The following TAP2 variants were observed in gnomAD, a reference collection of about 807,000 sequenced individuals.
TAP2 encodes transporter 2, ATP binding cassette subfamily B member.
A neutral mutation model predicts 74.7 loss-of-function variants in TAP2; 49 were observed. The ratio of observed to expected loss-of-function variants is 0.66; its 90% confidence interval spans 0.52 to 0.83. TAP2 has a LOEUF of 0.83. TAP2 is among the 40% of genes least tolerant of loss of function. TAP2 has a pLI of 0.00. For missense variants in TAP2, 739 were observed against 859.0 expected (o/e 0.86, Z 1.75); for synonymous variants, 306 against 368.4 (o/e 0.83, Z 1.94).
chr6:32,822,195 A>C (rs1768325071), downstream of TAP2: 3 of 1,071,172 alleles, frequency 2.8e-6, no homozygotes, highest in South Asian at 4.3e-5. Context: ...GGTTTTGTCC[A>C]TCACCTCATC....
In TAP2 at chr6:32,838,181, G is replaced by C; in HGVS notation, c.53C>G (p.Ala18Gly). The change falls in exon 2 of 12, where the codon GCT (alanine) becomes GGT (glycine). Residue 18 changes from alanine (A) to glycine (G), a missense_variant. By Grantham distance (60) the Ala-to-Gly change is moderately conservative. Transcript: ENST00000374897. ...PWTSLLLVDA[A>G]LLWLLQGPLG... is the part of the protein sequence containing the mutation. ...AGGGCCCTGAAGCAGCCACAGTAAAGCCGCGTCCACCAGCAGCAGGGAGGT... is the reference window on the plus strand; with the variant it reads ...AGGGCCCTGAAGCAGCCACAGTAAACCCGCGTCCACCAGCAGCAGGGAGGT... The C allele has an allele frequency of 6.3e-7, 1 of 1,595,426 alleles. No homozygotes were observed. The highest frequency in any genetic ancestry group is 8.5e-7 in the Non-Finnish European group (1 of 1,170,568).
At chr6:32,836,619 C>A (rs1769436561) in intron 3 of TAP2, among the ~76,000 whole-genome samples, 1 of 152,182 alleles carries the variant, frequency 6.6e-6, no homozygotes, top group African/African-American at 2.4e-5. Flanking sequence ...TCCTAGGCTA[C>A]AAATCTGTAC....
At chr6:32,837,472 T>G (rs1007058468) in intron 3 of TAP2, 65 bp downstream of exon 3, 66 of 1,353,386 alleles carry the variant, frequency 4.9e-5, no homozygotes, top group Non-Finnish European at 6.9e-5. Flanking sequence ...GAAATGGAGT[T>G]AGGGAAGTGA....
chr6:32,829,419 T>C lies in TAP2; in HGVS notation c.1913A>G (p.Asp638Gly), dbSNP rs1280759302. The C allele has an allele frequency of 2.5e-6, 4 of 1,606,642 alleles. No homozygotes were observed. The highest frequency in any genetic ancestry group is 3.4e-6 in the Non-Finnish European group (4 of 1,176,362). Residue 638 changes from aspartate (D) to glycine (G), a missense_variant, in exon 11 of 12, where the codon GAT becomes GGT. By Grantham distance (94) the Asp-to-Gly change is moderately conservative. Coordinates refer to ENST00000374897, the MANE Select transcript of TAP2 (RefSeq NM_001290043.2). ...ACTCACGGCCTGCTCGCACTGCACA[T>C]CTAGGGCACTAGTAGCCTCATCCAG... ...LILDEATSALDVQCEQALQDW... is the reference protein window; with the variant it reads ...LILDEATSALGVQCEQALQDW...
intron 5 of TAP2, among the ~76,000 whole-genome samples, chr6:32,834,007 T>A (rs2127361173): frequency 6.6e-6 from 1 of 152,342 alleles, no homozygotes; most frequent in African/African-American, 2.4e-5. Context: ...GTAAGTCCAA[T>A]AAACCTCTTT....
At position 32,832,490 on chromosome 6, in the gene TAP2, T is replaced by C. The variant is rs1769150358; in HGVS notation, c.1144-29A>G. 6.2e-7 allele frequency: 1 copy of C among 1,611,590 alleles called. No individual in the cohort carries two copies. The highest frequency in any genetic ancestry group is 1.7e-5 in the Admixed American group (1 of 59,684). ...GAAGAGGAGAAGAAAGAGATGAGGC[T>C]GGGAATCTTCCCATTCTTTCCCCCT... On this transcript the variant is annotated intron_variant, in intron 6 of 11. Coordinates refer to ENST00000374897, the MANE Select transcript of TAP2 (RefSeq NM_001290043.2). The surrounding 1 kb of genome is among the most constrained non-coding windows in gnomAD (Gnocchi z 5.9).
At chr6:32,823,962 C>A (rs2127342911), downstream of TAP2, among the ~76,000 whole-genome samples, 1 of 150,970 alleles carries the variant, frequency 6.6e-6, no homozygotes, top group African/African-American at 2.5e-5. Context: ...CATATCCTCT[C>A]CCTTCCTCTT....
Position 32,835,731 on chromosome 6 carries a change from G to C in TAP2, c.651C>G (p.Thr217=). 1 of 1,613,152 alleles carries C rather than the reference G, an allele frequency of 6.2e-7. No homozygotes were observed. The highest frequency in any genetic ancestry group is 2.2e-5 in the East Asian group (1 of 44,884). ...AGCRGGCFTY[T]MSRINLRIRE... ...GGATCCGCAAGTTGATTCGAGACAT[G>C]GTGTAGGTGAAGCAGCCTCCTCGGC... The change falls in exon 4 of 12, where the codon ACC becomes ACG. Residue 217 remains threonine, a synonymous_variant. Transcript: ENST00000374897. The surrounding 1 kb of genome is among the most constrained non-coding windows in gnomAD (Gnocchi z 4.0).
At chr6:32,830,166 T>TC in intron 9 of TAP2, 77 bp from the exon 10 acceptor site, 1 of 1,612,016 alleles carries the variant, frequency 6.2e-7, no homozygotes, top group Non-Finnish European at 8.5e-7. Context: ...CCCACCTACC[T>TC]CCCTCAGAAT....
At position 32,828,522 on chromosome 6, in the gene TAP2, T is replaced by C; in HGVS notation, c.*384A>G. On this transcript the variant is annotated 3_prime_UTR_variant, in exon 12 of 12. Coordinates refer to ENST00000374897, the MANE Select transcript of TAP2 (RefSeq NM_001290043.2). ...TGGGTACTTTTACTTTTCTTCTTTG[T>C]ACTTTTTTATATTGTCTAAATTTTC... is the stretch of plus-strand genomic sequence containing the variant. The C allele has an allele frequency of 1.0e-6, 1 of 976,608 alleles. No individual in the cohort carries two copies. Among genetic ancestry groups the C allele is most frequent in the Non-Finnish European group, 1.2e-6 (1 of 821,044 alleles). The allele number at this position is 976,608 out of a possible 1,614,324, so 60.5% of individuals were successfully genotyped here.
In TAP2 at chr6:32,832,908, C is replaced by T. The variant is rs190780423; in HGVS notation, c.946-84G>A. ...TCTTACTCCAGCCAGTGAGATGCTC[C>T]CTAGTCTACCTAAAAATACCAAACT... On this transcript the variant is annotated intron_variant, in intron 5 of 11. Transcript: ENST00000374897. This position sits in a 1 kb window ranked among gnomAD's most constrained non-coding sequence, Gnocchi z 5.9. The T allele has an allele frequency of 9.1e-5, 129 of 1,423,888 alleles. No individual in the cohort carries two copies. The African/African-American group carries it at 1.4e-3, about 16-fold the overall frequency. The allele number at this position is 1,423,888 out of a possible 1,614,324, so 88.2% of individuals were successfully genotyped here. A position where few individuals can be genotyped will look rare whatever the true frequency, so the allele number is the denominator to read the frequency against.
At position 32,835,329 on chromosome 6, in the gene TAP2, G is replaced by A. The variant is rs138586326; in HGVS notation, c.770C>T (p.Thr257Ile). The change falls in exon 5 of 12, where the codon ACC becomes ATC. Residue 257 changes from threonine to isoleucine, a missense_variant. Thr to Ile is a moderately conservative substitution (Grantham distance 89). Transcript: ENST00000374897. The surrounding 1 kb of genome is among the most constrained non-coding windows in gnomAD (Gnocchi z 4.0). ...GELNSRLSSDTTLMSNWLPLN... is the reference protein window; with the variant it reads ...GELNSRLSSDITLMSNWLPLN... ...AGGAAGCCAGTTACTCATCAGGGTG[G>A]TATCCGAGCTCAGCCGTGAGTTCAG... is the stretch of plus-strand genomic sequence containing the variant. 771 of 1,613,082 alleles carry A rather than the reference G, an allele frequency of 4.8e-4. 9 individuals carry two copies. The African/African-American group carries it at 8.5e-3, about 18-fold the overall frequency.
In TAP2 at chr6:32,835,406, C is replaced by A; in HGVS notation, c.740-47G>T. 6.3e-7 allele frequency: 1 copy of A among 1,599,158 alleles called. No homozygotes were observed. The highest frequency in any genetic ancestry group is 1.7e-4 in the Middle Eastern group (1 of 5,998). The stretch of plus-strand genomic sequence containing the variant: ...AGGAAAAAGGAAACCATGTGTACTG[C>A]AGGGCCCCCAGAAACTCCCTCCTGA... On this transcript the variant is annotated intron_variant, in intron 4 of 11. Coordinates refer to ENST00000374897, the MANE Select transcript of TAP2 (RefSeq NM_001290043.2). The surrounding 1 kb of genome is among the most constrained non-coding windows in gnomAD (Gnocchi z 4.0).
Position 32,837,931 on chromosome 6 carries a change from C to T in TAP2, c.303G>A (p.Trp101Ter). The change falls in exon 2 of 12, where the codon TGG becomes TGA. Residue 101 changes from tryptophan (W) to a stop codon, truncating the protein, a stop_gained. Coordinates refer to ENST00000374897, the MANE Select transcript of TAP2 (RefSeq NM_001290043.2). LOFTEE classifies it high-confidence loss of function. ...CCGCAGCCCCGTACCCCACCAGCAG[C>T]CAGCTCCAAGGGGCTGAAGCGACTC... is the stretch of plus-strand genomic sequence containing the variant. Reference protein sequence around the residue: ...PARVASAPWSWLLVGYGAAGL... With the variant: ...PARVASAPWS The T allele has an allele frequency of 6.2e-7, 1 of 1,612,950 alleles. No homozygotes were observed. The highest frequency in any genetic ancestry group is 2.2e-5 in the East Asian group (1 of 44,868).
At chr6:32,822,048 G>A (rs1459099571), downstream of TAP2, 3 of 534,446 alleles carry the variant, frequency 5.6e-6, no homozygotes. Flanking sequence ...CCCACCTAGT[G>A]AGAATCCATT....
In TAP2 at chr6:32,828,760, G is replaced by T; in HGVS notation, c.*146C>A. 9.2e-7 allele frequency: 1 copy of T among 1,091,398 alleles called. No homozygotes were observed. The highest frequency in any genetic ancestry group is 6.3e-5 in the East Asian group (1 of 15,778). 67.6% of individuals were successfully genotyped at this position (1,091,398 alleles called of 1,614,324 possible). A position where few individuals can be genotyped will look rare whatever the true frequency, so the allele number is the denominator to read the frequency against. The stretch of plus-strand genomic sequence containing the variant: ...CCATCGTGCCTGCAACTCAGGAACA[G>T]CTATCTGGCCGCACAGCTCTAGGGA... On this transcript the variant is annotated 3_prime_UTR_variant, in exon 12 of 12. Coordinates refer to ENST00000374897, the MANE Select transcript of TAP2 (RefSeq NM_001290043.2).
Position 32,830,448 on chromosome 6 carries a change from A to G in TAP2, c.1462-8T>C. 3 of 1,611,122 alleles carry G rather than the reference A, an allele frequency of 1.9e-6. No individual in the cohort carries two copies. The highest frequency in any genetic ancestry group is 2.5e-6 in the Non-Finnish European group (3 of 1,179,118). ...TAGGGTAAACGTCAGCCCCTAGAAA[A>G]CCAGAAAAAGAGTTAAGGGCCTGCC... On this transcript the variant is annotated splice_region_variant and splice_polypyrimidine_tract_variant and intron_variant, in intron 8 of 11. Transcript: ENST00000374897.
Position 32,828,686 on chromosome 6 carries a change from A to ACCACACCCCT in TAP2, c.*219_*220insAGGGGTGTGG, listed in dbSNP as rs1768818832. The ACCACACCCCT allele has an allele frequency of 3.4e-6, 2 of 585,510 alleles. No individual in the cohort carries two copies. Among genetic ancestry groups the ACCACACCCCT allele is most frequent in the Admixed American group, 1.1e-4 (1 of 9,144 alleles). The allele number at this position is 585,510 out of a possible 1,614,324, so 36.3% of individuals were successfully genotyped here. A position where few individuals can be genotyped will look rare whatever the true frequency, so the allele number is the denominator to read the frequency against. On this transcript the variant is annotated 3_prime_UTR_variant, in exon 12 of 12. Transcript: ENST00000374897. ...CCTGGACACAGACAGCCCCCACCCC[A>ACCACACCCCT]CCCCACCCCACCTCTCTACCCCACC...
rs73738912 is a variant in TAP2, at chr6:32,825,617, G to A, written c.*3289C>T. 8 of 152,036 alleles carry A rather than the reference G, an allele frequency of 5.3e-5. No homozygotes were observed. The highest frequency in any genetic ancestry group is 3.4e-3 in the Middle Eastern group (1 of 294). 9.4% of individuals were successfully genotyped at this position (152,036 alleles called of 1,614,324 possible). A position where few individuals can be genotyped will look rare whatever the true frequency, so the allele number is the denominator to read the frequency against. On this transcript the variant is annotated 3_prime_UTR_variant, in exon 12 of 12. Transcript: ENST00000374897. ...AAGAGGAATTAGCAAACCTTGAGAAGGATTGAGAGTGAGGCTTTCCTCTGT... is the reference window on the plus strand; with the variant it reads ...AAGAGGAATTAGCAAACCTTGAGAAAGATTGAGAGTGAGGCTTTCCTCTGT...
Sources: gnomAD v4.1 joint callset for allele counts (sites outside exome capture counted in the v4.1 genomes callset) on GRCh38, gnomAD v4.1.1 for gene constraint, Gnocchi (gnomAD v3.1) non-coding constraint, MANE v1.5 for transcripts, NCBI Gene and HGNC (gene_info 2026-07-23, HGNC 2026-07-21) for gene names.